ELOA: variants seen among roughly 807,000 people sequenced by gnomAD.
The protein encoded by ELOA is elongin A, also known as elongin-A.
ELOA carries 15 observed loss-of-function variants against 85.2 expected under a neutral mutation model. The observed-to-expected ratio is 0.18, with a 90% CI of 0.12 to 0.27. ELOA has a LOEUF of 0.27. ELOA is among the 10% of genes least tolerant of loss of function. The probability of loss-of-function intolerance (pLI) is 1.00; values close to 1 mark genes in which losing one functional copy is unlikely to be tolerated. For missense variants in ELOA, 769 were observed against 952.7 expected (o/e 0.81, Z 2.54); for synonymous variants, 348 against 357.2 (o/e 0.97, Z 0.29).
At position 23,755,885 on chromosome 1, in the gene ELOA, C is replaced by A; in HGVS notation, c.1834C>A (p.His612Asn). Residue 612 changes from histidine to asparagine, a missense_variant, in exon 8 of 11, where the codon CAC (histidine) becomes AAC (asparagine). This residue lies in a region of ELOA where 193 missense variants were observed against 278.9 expected (regional missense o/e 0.69). Coordinates refer to ENST00000613537, the MANE Select transcript of ELOA (RefSeq NM_003198.3). ...ETDQLWKVHC[H>N]RDFKEERPEE... Reference sequence around the variant, plus strand: ...AGATCAATTATGGAAAGTTCATTGTCACCGAGACTTTAAGGAAGAAAGACC... The same window carrying A: ...AGATCAATTATGGAAAGTTCATTGTAACCGAGACTTTAAGGAAGAAAGACC... 6.2e-7 allele frequency: 1 copy of A among 1,612,936 alleles called. No individual in the cohort carries two copies. The highest frequency in any genetic ancestry group is 8.5e-7 in the Non-Finnish European group (1 of 1,179,674).
chr1:23,759,430 A>C, intron 10 of ELOA, 82 bp from the exon 11 acceptor site: 2 of 1,367,322 alleles, frequency 1.5e-6, no homozygotes, highest in South Asian at 2.3e-5. Flanking sequence ...AGAATAGCAG[A>C]GCTGGCTTTG....
At chr1:23,752,559 T>C (rs928594264) in intron 5 of ELOA, 41 bp downstream of exon 5, 2 of 1,572,326 alleles carry the variant, frequency 1.3e-6, no homozygotes, top group African/African-American at 1.3e-5. Context: ...GGAAAAAGAT[T>C]TAAAAATTCA....
chr1:23,745,337 T>C (rs1644741475), intron 1 of ELOA, among the ~76,000 whole-genome samples: 1 of 152,196 alleles, frequency 6.6e-6, no homozygotes, highest in Non-Finnish European at 1.5e-5. Context: ...ATATAATAAC[T>C]ACCCACTATT....
intron 1 of ELOA, among the ~76,000 whole-genome samples, chr1:23,745,153 A>G (rs958855902): frequency 2.6e-5 from 4 of 152,178 alleles, no homozygotes; most frequent in African/African-American, 9.7e-5. Context: ...TCATTGTGCC[A>G]TGTTTTCTGT....
rs1236278831 is a variant in ELOA, at chr1:23,750,828, T to C, written c.240-17T>C. On this transcript the variant is annotated splice_polypyrimidine_tract_variant and intron_variant, in intron 3 of 10. Transcript: ENST00000613537. ...CAAGATTTAGACCTACTTTGTCTGC[T>C]TTTTCTTTTATTTTAGAAATGCTGA... The C allele has an allele frequency of 1.9e-6, 3 of 1,543,994 alleles. No individual in the cohort carries two copies. The highest frequency in any genetic ancestry group is 2.6e-6 in the Non-Finnish European group (3 of 1,150,312).
intron 7 of ELOA, among the ~76,000 whole-genome samples, chr1:23,755,549 A>G (rs1644790523): frequency 6.6e-6 from 1 of 152,172 alleles, no homozygotes; most frequent in Non-Finnish European, 1.5e-5. Flanking sequence ...TGGGAGGCCA[A>G]GGTGGGCGGA....
intron 1 of ELOA, among the ~76,000 whole-genome samples, chr1:23,743,841 A>G (rs771314094): frequency 6.6e-5 from 10 of 152,090 alleles, no homozygotes; most frequent in Non-Finnish European, 8.8e-5. Context: ...CCGCGTGCCT[A>G]GCGCTTCCTC....
chr1:23,752,167 G>A, intron 4 of ELOA, 137 bp downstream of exon 4: 1 of 924,392 alleles, frequency 1.1e-6, no homozygotes, highest in Non-Finnish European at 1.6e-6. Context: ...AATTTCCTCT[G>A]GGCTTCACTG....
chr1:23,761,848 G>A lies in ELOA; in HGVS notation c.*2275G>A, dbSNP rs937824989. The A allele has an allele frequency of 6.6e-6, 1 of 152,232 alleles. No individual in the cohort carries two copies. Among genetic ancestry groups the A allele is most frequent in the Non-Finnish European group, 1.5e-5 (1 of 68,008 alleles). 9.4% of individuals were successfully genotyped at this position (152,232 alleles called of 1,614,324 possible). Reference sequence around the variant, plus strand: ...ACAAATTACCCTTTTGTGATCCTTGGTGTACTGAGCAGTTTCTTTGGGGCT... The same window carrying A: ...ACAAATTACCCTTTTGTGATCCTTGATGTACTGAGCAGTTTCTTTGGGGCT... On this transcript the variant is annotated 3_prime_UTR_variant, in exon 11 of 11. Coordinates refer to ENST00000613537, the MANE Select transcript of ELOA (RefSeq NM_003198.3).
At chr1:23,757,811 GAAAAA>G (rs575030502) in intron 10 of ELOA, among the ~76,000 whole-genome samples, 4 of 108,450 alleles carry the variant, frequency 3.7e-5, no homozygotes, top group Admixed American at 1.0e-4. Context: ...CCTGTCTCTG[GAAAAA>G]AAAAAAAAAA....
At position 23,756,301 on chromosome 1, in the gene ELOA, A is replaced by C; in HGVS notation, c.2000A>C (p.Asn667Thr). The change falls in exon 9 of 11, where the codon AAC becomes ACC. Residue 667 changes from asparagine (N) to threonine (T), a missense_variant. By Grantham distance (65) the Asn-to-Thr change is moderately conservative. This residue lies in a region of ELOA where 116 missense variants were observed against 141.0 expected (regional missense o/e 0.82). Coordinates refer to ENST00000613537, the MANE Select transcript of ELOA (RefSeq NM_003198.3). ...CGACAAGCAAAGATGGCCTTTGTCA[A>C]CTCTGTGGCCAAGCCACCTCGTGAC... is the stretch of plus-strand genomic sequence containing the variant. ...KGRQAKMAFV[N>T]SVAKPPRDVR... is the part of the protein sequence containing the mutation. The C allele has an allele frequency of 6.4e-7, 1 of 1,570,642 alleles. No homozygotes were observed. Among genetic ancestry groups the C allele is most frequent in the Admixed American group, 1.9e-5 (1 of 52,620 alleles).
chr1:23,743,713 C>T, intron 1 of ELOA, 135 bp downstream of exon 1: 3 of 1,117,920 alleles, frequency 2.7e-6, no homozygotes, highest in Non-Finnish European at 3.5e-6. Flanking sequence ...TCGTGAAGTT[C>T]GCGGCCATTG....
chr1:23,759,669 C>T lies in ELOA; in HGVS notation c.*96C>T. 2 of 1,431,030 alleles carry T rather than the reference C, an allele frequency of 1.4e-6. No homozygotes were observed. Among genetic ancestry groups the T allele is most frequent in the Non-Finnish European group, 2.0e-6 (2 of 1,019,590 alleles). 88.6% of individuals were successfully genotyped at this position (1,431,030 alleles called of 1,614,324 possible). A position where few individuals can be genotyped will look rare whatever the true frequency, so the allele number is the denominator to read the frequency against. On this transcript the variant is annotated 3_prime_UTR_variant, in exon 11 of 11. Coordinates refer to ENST00000613537, the MANE Select transcript of ELOA (RefSeq NM_003198.3). ...AATTCTACAGGAGACTGGAGTCTTG[C>T]TTTGTGGATCCTTTTGGTCTCCGAG... is the stretch of plus-strand genomic sequence containing the variant.
chr1:23,749,947 C>A lies in ELOA; in HGVS notation c.238C>A (p.Arg80=), dbSNP rs780841547. The change falls in exon 3 of 11, where the codon CGA becomes AGA. Residue 80 remains arginine, a splice_region_variant and synonymous_variant. Transcript: ENST00000613537. ...GTGGAAGAAGCTGGTTCCTGTGGAA[C>A]GGTAAGAACATTTCTCTTTAGGTTT... is the stretch of plus-strand genomic sequence containing the variant. ...AQWKKLVPVE[R]NAEPDEQDFE... is the part of the protein sequence containing the mutation. 6.2e-6 allele frequency: 10 copies of A among 1,611,936 alleles called. No homozygotes were observed. Among genetic ancestry groups the A allele is most frequent in the South Asian group, 4.4e-5 (4 of 90,866 alleles).
rs981432891 is a variant in ELOA, at chr1:23,751,280, C to T, written c.675C>T (p.Ser225=). ...SNAFQDRLGA[S]QERHLGEPHG... is the part of the protein sequence containing the mutation. ...CCTTTCAGGACAGACTCGGGGCCAG[C>T]CAAGAACGACACCTGGGTGAACCCC... Residue 225 remains serine (S), a synonymous_variant, in exon 4 of 11, where the codon AGC becomes AGT. Transcript: ENST00000613537. 1 of 1,614,190 alleles carries T rather than the reference C, an allele frequency of 6.2e-7. No individual in the cohort carries two copies. Among genetic ancestry groups the T allele is most frequent in the Admixed American group, 1.7e-5 (1 of 60,022 alleles).
At chr1:23,747,663 T>G (rs150914814) in intron 1 of ELOA, among the ~76,000 whole-genome samples, 35 of 152,244 alleles carry the variant, frequency 2.3e-4, no homozygotes, top group Admixed American at 7.8e-4. Flanking sequence ...TTTTCCTGAG[T>G]TGGATGATGG....
At chr1:23,756,517 G>C in intron 9 of ELOA, 132 bp downstream of exon 9, 1 of 729,724 alleles carries the variant, frequency 1.4e-6, no homozygotes, top group Non-Finnish European at 2.3e-6. Flanking sequence ...GACCTCATCA[G>C]CTCAGCACTT....
chr1:23,749,581 T>C (rs1181567101), intron 2 of ELOA, among the ~76,000 whole-genome samples: 1 of 152,206 alleles, frequency 6.6e-6, no homozygotes, highest in Non-Finnish European at 1.5e-5. Context: ...TTCAGAACTG[T>C]ATGCAAAGCT....
chr1:23,749,522 A>G (rs939356168), intron 2 of ELOA, among the ~76,000 whole-genome samples: 1 of 152,218 alleles, frequency 6.6e-6, no homozygotes, highest in African/African-American at 2.4e-5. Flanking sequence ...GGCTGTTCCT[A>G]TGTAAAATGG....
Sources: allele counts gnomAD v4.1 joint callset (sites outside exome capture counted in the v4.1 genomes callset), GRCh38; gene constraint gnomAD v4.1.1; regional missense constraint gnomAD v4.1.1; transcripts MANE v1.5; gene names NCBI Gene and HGNC (gene_info 2026-07-23, HGNC 2026-07-21).